The following TNS3 variants were observed in gnomAD, a reference collection of about 807,000 sequenced individuals.
TNS3 encodes tensin-3.
TNS3 carries 45 observed loss-of-function variants against 140.9 expected under a neutral mutation model. That is an observed-to-expected ratio of 0.32 (90% CI 0.25 to 0.41). The LOEUF (loss-of-function observed/expected upper bound fraction) is 0.41, where lower values mean the gene tolerates loss of function less well. Ranked by LOEUF, TNS3 falls within the 10% of genes least tolerant of loss-of-function variation. The probability of loss-of-function intolerance (pLI) is 1.00; values close to 1 mark genes in which losing one functional copy is unlikely to be tolerated. For synonymous variants in TNS3, 815 were observed against 788.4 expected (o/e 1.03, Z -0.56); for missense variants, 1,716 against 1,906.7 (o/e 0.90, Z 1.86).
chr7:47,325,777 C>T (rs1270781065), intron 20 of TNS3, among the ~76,000 whole-genome samples: 1 of 152,210 alleles, frequency 6.6e-6, no homozygotes. Flanking sequence ...AGTAAGACCA[C>T]CTTCCATGCA....
chr7:47,424,785 G>A (rs1369783404), intron 9 of TNS3, among the ~76,000 whole-genome samples: 1 of 152,214 alleles, frequency 6.6e-6, no homozygotes, highest in Admixed American at 6.5e-5. Context: ...TTGGAAAGGT[G>A]TCTCAGGCCT....
chr7:47,518,038 T>C (rs185528139), intron 2 of TNS3, among the ~76,000 whole-genome samples: 1 of 152,288 alleles, frequency 6.6e-6, no homozygotes, highest in East Asian at 1.9e-4. Flanking sequence ...TCAACCAAGA[T>C]AGTCACTCTC....
intron 25 of TNS3, among the ~76,000 whole-genome samples, chr7:47,293,220 C>A (rs1298640150): frequency 6.6e-6 from 1 of 152,206 alleles, no homozygotes; most frequent in East Asian, 1.9e-4. Context: ...CCAACTCCAA[C>A]TTCAACCATA....
chr7:47,428,807 G>A (rs1036702060), intron 8 of TNS3, among the ~76,000 whole-genome samples: 1 of 152,250 alleles, frequency 6.6e-6, no homozygotes, highest in African/African-American at 2.4e-5. Flanking sequence ...ATGGGACATA[G>A]ATTCCAGCTT....
chr7:47,336,591 G>A (rs904283976), intron 20 of TNS3, among the ~76,000 whole-genome samples: 10 of 152,216 alleles, frequency 6.6e-5, no homozygotes, highest in African/African-American at 9.6e-5. Flanking sequence ...TGTGGCAGAA[G>A]CTGGCCCCAG....
At chr7:47,468,736 A>T (rs1041700055) in intron 4 of TNS3, among the ~76,000 whole-genome samples, 12 of 152,354 alleles carry the variant, frequency 7.9e-5, no homozygotes, top group East Asian at 3.8e-4. Flanking sequence ...CAGAAAAAAA[A>T]CTATTGTAAA....
intron 16 of TNS3, among the ~76,000 whole-genome samples, chr7:47,378,890 G>A (rs531957905): frequency 3.3e-5 from 5 of 152,330 alleles, no homozygotes; most frequent in Admixed American, 6.5e-5. Context: ...TGGCACCGGC[G>A]CTGGACTTGT....
chr7:47,403,159 C>A (rs1179784988), intron 13 of TNS3: 1 of 152,608 alleles, frequency 6.6e-6, no homozygotes, highest in Non-Finnish European at 1.5e-5. Context: ...GTCCTGCCCT[C>A]CCTCTTCAGG....
At chr7:47,443,916 G>A in intron 4 of TNS3, among the ~76,000 whole-genome samples, 1 of 152,092 alleles carries the variant, frequency 6.6e-6, no homozygotes, top group East Asian at 1.9e-4. Context: ...GCAAGACTCT[G>A]TCCCAAACAA....
chr7:47,414,651 G>T (rs1247066970), intron 11 of TNS3, among the ~76,000 whole-genome samples: 2 of 152,224 alleles, frequency 1.3e-5, no homozygotes, highest in Admixed American at 6.5e-5. Flanking sequence ...GCTACATGCT[G>T]TGTGCTTTCC....
In TNS3 at chr7:47,421,415, G is replaced by A. The variant is rs147174183; in HGVS notation, c.473+2686C>T. On this transcript the variant is annotated intron_variant, in intron 10 of 30. Coordinates refer to ENST00000311160, the MANE Select transcript of TNS3 (RefSeq NM_022748.12). Reference sequence around the variant, plus strand: ...CCAGAGTAGCTGGGACTACAGGTGTGTGCCATCACATCCAGCTAATTTTTT... The same window carrying A: ...CCAGAGTAGCTGGGACTACAGGTGTATGCCATCACATCCAGCTAATTTTTT... Among the ~76,000 whole-genome samples, 3 of 151,728 alleles carry A rather than the reference G, an allele frequency of 2.0e-5. No homozygotes were observed. The East Asian group carries it at 5.8e-4, about 29-fold the overall frequency.
intron 23 of TNS3, among the ~76,000 whole-genome samples, chr7:47,298,462 C>T (rs1786183090): frequency 6.6e-6 from 1 of 152,244 alleles, no homozygotes. Flanking sequence ...CGATACTGCC[C>T]AGACAAGCCA....
chr7:47,292,975 CAGCTGGA>C, intron 25 of TNS3, 70 bp from the exon 26 acceptor site: 2 of 1,392,808 alleles, frequency 1.4e-6, no homozygotes, highest in Middle Eastern at 1.8e-4. Flanking sequence ...GCCAATTTAT[CAGCTGGA>C]ATGAAACGGA....
chr7:47,525,114 T>A (rs954815018), intron 2 of TNS3, among the ~76,000 whole-genome samples: 9 of 152,196 alleles, frequency 5.9e-5, no homozygotes, highest in African/African-American at 2.2e-4. Context: ...GGACAGGAGA[T>A]AATGCTGCAC....
chr7:47,524,610 G>A (rs1799111504), intron 2 of TNS3, among the ~76,000 whole-genome samples: 1 of 150,604 alleles, frequency 6.6e-6, no homozygotes, highest in South Asian at 2.1e-4. Context: ...AGACCATCCT[G>A]GCTAACAAGG....
chr7:47,319,144 T>C (rs1562589272), intron 20 of TNS3, among the ~76,000 whole-genome samples: 1 of 152,212 alleles, frequency 6.6e-6, no homozygotes, highest in Non-Finnish European at 1.5e-5. Context: ...TGCACCGCTA[T>C]ATAGGAACAA....
chr7:47,340,181 G>A (rs1460277084), intron 20 of TNS3, among the ~76,000 whole-genome samples: 2 of 128,634 alleles, frequency 1.6e-5, no homozygotes, highest in African/African-American at 6.0e-5. Context: ...GGAATGCAGT[G>A]GTGCAATCAC....
intron 4 of TNS3, among the ~76,000 whole-genome samples, chr7:47,479,277 T>C (rs1166362539): frequency 6.6e-6 from 1 of 152,236 alleles, no homozygotes; most frequent in African/African-American, 2.4e-5. Context: ...GGCAAGGGAC[T>C]GTCTGCGAGG....
intron 23 of TNS3, among the ~76,000 whole-genome samples, chr7:47,300,916 G>C (rs1355202604): frequency 6.6e-6 from 1 of 152,188 alleles, no homozygotes; most frequent in African/African-American, 2.4e-5. Flanking sequence ...CAGGCCACAG[G>C]CTTTTTTTTC....
Sources: gnomAD v4.1 joint callset for allele counts (sites outside exome capture counted in the v4.1 genomes callset) on GRCh38, gnomAD v4.1.1 for gene constraint, MANE v1.5 for transcripts, NCBI Gene and HGNC (gene_info 2026-07-23, HGNC 2026-07-21) for gene names.